Variants in ALX3 observed in about 807,000 individuals in gnomAD.
ALX3 encodes the protein homeobox protein aristaless-like 3.
ALX3 carries 17 observed loss-of-function variants against 26.3 expected under a neutral mutation model. The ratio of observed to expected loss-of-function variants is 0.65; its 90% CI spans 0.44 to 0.97. ALX3 has a LOEUF of 0.97. Ranked by LOEUF, ALX3 falls within the 50% of genes least tolerant of loss-of-function variation. The pLI, the probability that ALX3 is intolerant of heterozygous loss-of-function variation, is 0.00. For synonymous variants in ALX3, 208 were observed against 201.4 expected (o/e 1.03, Z -0.28); for missense variants, 461 against 466.5 (o/e 0.99, Z 0.11).
In ALX3 at chr1:110,063,677, C is replaced by T. The variant is rs555481696; in HGVS notation, c.594+910G>A. ...TAAGAGGTCACCTCCTCACCTTTCC[C>T]CAGAACTCCAACCCACCCCTCCCAG... On this transcript the variant is annotated intron_variant, in intron 2 of 3. Transcript: ENST00000647563. Among the ~76,000 whole-genome samples, 99 of 151,876 alleles carry T rather than the reference C, an allele frequency of 6.5e-4. No homozygotes were observed. In the South Asian group the frequency reaches 0.019, roughly 29 times the overall value.
intron 1 of ALX3, among the ~76,000 whole-genome samples, 181 bp downstream of exon 1, chr1:110,070,155 C>T (rs1229653124): frequency 1.3e-5 from 2 of 152,150 alleles, no homozygotes; most frequent in Non-Finnish European, 2.9e-5. Flanking sequence ...CCCACACTGG[C>T]CTTTGCCTGG....
chr1:110,064,497 A>G, intron 2 of ALX3, 90 bp downstream of exon 2: 7 of 1,481,420 alleles, frequency 4.7e-6, no homozygotes, highest in Non-Finnish European at 5.6e-6. Flanking sequence ...GGGAGGCACC[A>G]GTGCCCACCT....
rs141042736 is a variant in ALX3, at chr1:110,060,767, T to C, written c.998A>G (p.Lys333Arg). The change falls in exon 4 of 4, where the codon AAG becomes AGG. Residue 333 changes from lysine to arginine, a missense_variant. By Grantham distance (26) the Lys-to-Arg change is conservative. Transcript: ENST00000647563. ...PSLVSLRVKP[K>R]EPPGLLNWTT ...CCAGTTCAGAAGGCCGGGTGGCTCC[T>C]TGGGCTTTACCCTGAGCGAGACGAG... 12 of 1,500,664 alleles carry C rather than the reference T, an allele frequency of 8.0e-6. No individual in the cohort carries two copies. Among genetic ancestry groups the C allele is most frequent in the Non-Finnish European group, 1.1e-5 (12 of 1,125,034 alleles). The allele number at this position is 1,500,664 out of a possible 1,614,324, so 93.0% of individuals were successfully genotyped here.
rs767866679 is a variant in ALX3, at chr1:110,064,671, C to G, written c.510G>C (p.Lys170Asn). Residue 170 changes from lysine (K) to asparagine (N), a missense_variant, in exon 2 of 4, where the codon AAG (lysine) becomes AAC (asparagine). Physicochemically the swap from Lys to Asn is moderately conservative, Grantham distance 94. Around this residue, in one of 3 missense-constraint regions of ALX3, gnomAD observed 51 missense variants for 82.4 expected, o/e 0.62. Transcript: ENST00000647563. ...FSTFQLEELE[K>N]VFQKTHYPDV... is the part of the protein sequence containing the mutation. ...CAGGATAGTGGGTTTTCTGGAAGAC[C>G]TTCTCCAGCTCCTCCAGCTGGAATG... 7.4e-6 allele frequency: 12 copies of G among 1,614,116 alleles called. No homozygotes were observed. In the African/African-American group the frequency reaches 1.5e-4, roughly 20 times the overall value.
chr1:110,060,905 A>C lies in ALX3; in HGVS notation c.860T>G (p.Val287Gly), dbSNP rs746242886. The C allele has an allele frequency of 6.8e-6, 11 of 1,612,722 alleles. No individual in the cohort carries two copies. The highest frequency in any genetic ancestry group is 5.5e-5 in the South Asian group (5 of 91,030). Residue 287 changes from valine to glycine, a missense_variant, in exon 4 of 4, where the codon GTG becomes GGG. Coordinates refer to ENST00000647563, the MANE Select transcript of ALX3 (RefSeq NM_006492.3). ...PHGSVAGFMG[V>G]PAPSAAHPGI... ...AGGGTGAGCCGCAGAAGGGGCTGGCACCCCCATGAAGCCAGCCACACTCCC... is the reference window on the plus strand; with the variant it reads ...AGGGTGAGCCGCAGAAGGGGCTGGCCCCCCCATGAAGCCAGCCACACTCCC...
intron 1 of ALX3, among the ~76,000 whole-genome samples, 179 bp downstream of exon 1, chr1:110,070,157 T>C (rs1297475894): frequency 6.6e-6 from 1 of 152,038 alleles, no homozygotes; most frequent in Non-Finnish European, 1.5e-5. Context: ...CACACTGGCC[T>C]TTGCCTGGCC....
intron 1 of ALX3, among the ~76,000 whole-genome samples, chr1:110,067,176 TG>T (rs766440718): frequency 9.2e-5 from 14 of 152,222 alleles, no homozygotes; most frequent in Non-Finnish European, 1.9e-4. Flanking sequence ...GGGATAGAAC[TG>T]GGACAAATGG....
intron 2 of ALX3, among the ~76,000 whole-genome samples, chr1:110,062,833 G>T (rs147679822): frequency 8.5e-5 from 13 of 152,306 alleles, no homozygotes; most frequent in Non-Finnish European, 1.8e-4. Flanking sequence ...CTGCCCAGCT[G>T]CCTGGATTTC....
At chr1:110,067,818 C>G (rs929817510) in intron 1 of ALX3, among the ~76,000 whole-genome samples, 3 of 152,256 alleles carry the variant, frequency 2.0e-5, no homozygotes, top group Admixed American at 6.5e-5. Flanking sequence ...GGGCAGGACC[C>G]CGGTGAGGCC....
chr1:110,063,239 C>T (rs1197939817), intron 2 of ALX3, among the ~76,000 whole-genome samples: 2 of 152,186 alleles, frequency 1.3e-5, no homozygotes, highest in African/African-American at 4.8e-5. Context: ...GACCACACCC[C>T]GGAGGCCTGC....
At chr1:110,064,462 G>T in intron 2 of ALX3, 125 bp downstream of exon 2, 1 of 1,188,118 alleles carries the variant, frequency 8.4e-7, no homozygotes, top group Non-Finnish European at 1.2e-6. Flanking sequence ...GAAGGCTGGT[G>T]CAGGCCCCTG....
intron 2 of ALX3, among the ~76,000 whole-genome samples, chr1:110,063,512 C>G (rs533650964): frequency 1.6e-4 from 25 of 152,158 alleles, no homozygotes; most frequent in Non-Finnish European, 3.1e-4. Flanking sequence ...ACTGGCCTGT[C>G]AGTCCCCATA....
chr1:110,065,498 C>A (rs1219757258), intron 1 of ALX3, among the ~76,000 whole-genome samples: 1 of 152,186 alleles, frequency 6.6e-6, no homozygotes, highest in East Asian at 1.9e-4. Context: ...GTAAGAAGGG[C>A]AAGATGGGAC....
At position 110,064,597 on chromosome 1, in the gene ALX3, G is replaced by T; in HGVS notation, c.584C>A (p.Ala195Asp). 1 of 1,614,054 alleles carries T rather than the reference G, an allele frequency of 6.2e-7. No individual in the cohort carries two copies. Among genetic ancestry groups the T allele is most frequent in the Non-Finnish European group, 8.5e-7 (1 of 1,180,042 alleles). ...TTGCAGTGCCCTCACCTGTACCCGG[G>T]CCTCAGTCAGGTCTGTGCGCAGGGC... ...QLALRTDLTE[A>D]RVQVWFQNRR... Residue 195 changes from alanine (A) to aspartate (D), a missense_variant, in exon 2 of 4, where the codon GCC (alanine) becomes GAC (aspartate). Around this residue, in one of 3 missense-constraint regions of ALX3, gnomAD observed 51 missense variants for 82.4 expected, o/e 0.62. Transcript: ENST00000647563.
chr1:110,066,018 T>C (rs1055753082), intron 1 of ALX3, among the ~76,000 whole-genome samples: 3 of 152,250 alleles, frequency 2.0e-5, no homozygotes, highest in African/African-American at 7.2e-5. Context: ...TGCCTGGCTC[T>C]GGGCCCATCT....
At chr1:110,067,100 T>C (rs925460990) in intron 1 of ALX3, among the ~76,000 whole-genome samples, 1 of 152,054 alleles carries the variant, frequency 6.6e-6, no homozygotes, top group Admixed American at 6.5e-5. Context: ...CCCTCCACTT[T>C]GGGAGAGGGG....
chr1:110,061,450 A>G lies in ALX3; in HGVS notation c.708T>C (p.Thr236=). 1 of 1,614,214 alleles carries G rather than the reference A, an allele frequency of 6.2e-7. No individual in the cohort carries two copies. Among genetic ancestry groups the G allele is most frequent in the East Asian group, 2.2e-5 (1 of 44,872 alleles). ...AAYDISVLPR[T]DSHPQLQNSL... is the part of the protein sequence containing the mutation. ...GGGGTCTTACCTGAGGGTGGCTGTC[A>G]GTACGGGGCAGCACAGAGATGTCAT... The change falls in exon 3 of 4, where the codon ACT becomes ACC. Residue 236 remains threonine (T), a synonymous_variant. Coordinates refer to ENST00000647563, the MANE Select transcript of ALX3 (RefSeq NM_006492.3).
rs1653592439 is a variant in ALX3, at chr1:110,060,096, T to G, written c.*637A>C. 1.3e-5 allele frequency: 2 copies of G among 152,224 alleles called. No individual in the cohort carries two copies. The highest frequency in any genetic ancestry group is 4.1e-4 in the South Asian group (2 of 4,824). 9.4% of individuals were successfully genotyped at this position (152,224 alleles called of 1,614,324 possible). Reference sequence around the variant, plus strand: ...AAGAGATTCCAAATATGTGGTGATTTCTGGTGGAATTTCTGCCCCCTTGGA... The same window carrying G: ...AAGAGATTCCAAATATGTGGTGATTGCTGGTGGAATTTCTGCCCCCTTGGA... On this transcript the variant is annotated 3_prime_UTR_variant, in exon 4 of 4. Transcript: ENST00000647563.
intron 2 of ALX3, 95 bp from the exon 3 acceptor site, chr1:110,061,658 A>T: frequency 6.5e-7 from 1 of 1,548,626 alleles, no homozygotes; most frequent in Non-Finnish European, 8.8e-7. Context: ...CTCTTGTGGG[A>T]TGGGGAGCAG....
Sources: allele counts gnomAD v4.1 joint callset (sites outside exome capture counted in the v4.1 genomes callset), GRCh38; gene constraint gnomAD v4.1.1; regional missense constraint gnomAD v4.1.1; transcripts MANE v1.5; gene names NCBI Gene and HGNC (gene_info 2026-07-23, HGNC 2026-07-21).